Variants in EDEM2 observed in about 807,000 individuals in gnomAD.
EDEM2 encodes the protein ER degradation enhancing alpha-mannosidase like protein 2, also known as ER degradation-enhancing alpha-mannosidase-like protein 2.
EDEM2 carries 39 observed loss-of-function variants against 64.8 expected under a neutral mutation model. That is an observed-to-expected ratio of 0.60 (90% confidence interval 0.47 to 0.79). EDEM2 has a LOEUF of 0.79. Ranked by LOEUF, EDEM2 falls within the 30% of genes least tolerant of loss-of-function variation. The probability of loss-of-function intolerance (pLI) is 0.00; values close to 1 mark genes in which losing one functional copy is unlikely to be tolerated. For missense variants in EDEM2, 609 were observed against 731.3 expected (o/e 0.83, Z 1.93); for synonymous variants, 296 against 291.5 (o/e 1.02, Z -0.16).
At chr20:35,120,759 G>A (rs1217405440) in intron 9 of EDEM2, among the ~76,000 whole-genome samples, 7 of 151,898 alleles carry the variant, frequency 4.6e-5, no homozygotes, top group Admixed American at 3.3e-4. Flanking sequence ...CACCGTGCCC[G>A]GCTAATTTTT....
chr20:35,124,700 T>C (rs1238598685), intron 8 of EDEM2, among the ~76,000 whole-genome samples: 1 of 152,168 alleles, frequency 6.6e-6, no homozygotes, highest in Non-Finnish European at 1.5e-5. Flanking sequence ...TTGTATAACC[T>C]TTCAGAGTTT....
Position 35,124,054 on chromosome 20 carries a change from TCAGGCAGGTAGACAC to T in EDEM2, c.970-35_970-21del, listed in dbSNP as rs757188560. ...GAGGCTCTGTGGGAGAAAGTGGCTGTCAGGCAGGTAGACACCAGGCATAAAACCCCACAGACAACC... is the reference window on the plus strand; with the variant it reads ...GAGGCTCTGTGGGAGAAAGTGGCTGTCAGGCATAAAACCCCACAGACAACC... On this transcript the variant is annotated intron_variant, in intron 8 of 10. Coordinates refer to ENST00000374492, the MANE Select transcript of EDEM2 (RefSeq NM_018217.3). 8.1e-6 allele frequency: 13 copies of T among 1,608,588 alleles called. No individual in the cohort carries two copies. The highest frequency in any genetic ancestry group is 1.6e-4 in the Middle Eastern group (1 of 6,062).
At chr20:35,132,941 C>G (rs540161566) in intron 6 of EDEM2, among the ~76,000 whole-genome samples, 1 of 152,288 alleles carries the variant, frequency 6.6e-6, no homozygotes, top group East Asian at 1.9e-4. Context: ...TGTGTCCCCC[C>G]AGGAGCACAA....
chr20:35,144,320 T>C (rs2085699230), intron 3 of EDEM2, among the ~76,000 whole-genome samples: 1 of 152,052 alleles, frequency 6.6e-6, no homozygotes, highest in Non-Finnish European at 1.5e-5. Flanking sequence ...TACTAACTAG[T>C]CACTGATATT....
chr20:35,138,617 T>A (rs1435069283), intron 4 of EDEM2, among the ~76,000 whole-genome samples: 3 of 151,568 alleles, frequency 2.0e-5, no homozygotes, highest in African/African-American at 7.3e-5. Context: ...TCTCGCTCTG[T>A]CACCTAGGCT....
Position 35,137,994 on chromosome 20 carries a change from G to A in EDEM2, c.376C>T (p.Leu126Phe). 6.2e-7 allele frequency: 1 copy of A among 1,614,128 alleles called. No homozygotes were observed. The highest frequency in any genetic ancestry group is 1.3e-5 in the African/African-American group (1 of 75,056). The change falls in exon 5 of 11, where the codon CTC (leucine) becomes TTC (phenylalanine). Residue 126 changes from leucine to phenylalanine, a missense_variant. Physicochemically the swap from Leu to Phe is conservative, Grantham distance 22. Transcript: ENST00000374492. Reference sequence around the variant, plus strand: ...TTGGAGAGCAGATGAGCAGACAGGAGTCCTCCTACCACTACAGATGGCACA... The same window carrying A: ...TTGGAGAGCAGATGAGCAGACAGGAATCCTCCTACCACTACAGATGGCACA... ...FETNIRVVGG[L>F]LSAHLLSKKA...
rs1438281807 is a variant in EDEM2 at position 35,118,431 on chromosome 20, C to T, written c.1236+167G>A. 4 of 1,002,534 alleles carry T rather than the reference C, an allele frequency of 4.0e-6. No individual in the cohort carries two copies. The African/African-American group carries it at 4.9e-5, about 12-fold the overall frequency. The allele number at this position is 1,002,534 out of a possible 1,614,324, so 62.1% of individuals were successfully genotyped here. A position where few individuals can be genotyped will look rare whatever the true frequency, so the allele number is the denominator to read the frequency against. Reference sequence around the variant, plus strand: ...GTGAGATCTTTAGCAAGGCACTTAGCTTCTCTGTTCTTTGGTCTCCCCATC... The same window carrying T: ...GTGAGATCTTTAGCAAGGCACTTAGTTTCTCTGTTCTTTGGTCTCCCCATC... On this transcript the variant is annotated intron_variant, in intron 10 of 10. Coordinates refer to ENST00000374492, the MANE Select transcript of EDEM2 (RefSeq NM_018217.3).
intron 10 of EDEM2, among the ~76,000 whole-genome samples, chr20:35,116,139 T>C (rs554850183): frequency 2.0e-5 from 3 of 152,176 alleles, no homozygotes; most frequent in African/African-American, 7.2e-5. Context: ...GGCTCCCAGC[T>C]TCCAATCTTA....
At chr20:35,133,989 G>A (rs1233766499) in intron 6 of EDEM2, 3 of 415,396 alleles carry the variant, frequency 7.2e-6, no homozygotes, top group Admixed American at 5.7e-5. Context: ...CAGTTTCGAT[G>A]TAGCAAGGCC....
intron 9 of EDEM2, among the ~76,000 whole-genome samples, chr20:35,123,227 T>C (rs553327245): frequency 2.8e-4 from 43 of 152,332 alleles, no homozygotes; most frequent in Admixed American, 2.4e-3. Context: ...CCTACACTTC[T>C]GAAATCCTGA....
intron 4 of EDEM2, among the ~76,000 whole-genome samples, chr20:35,141,560 G>A (rs2085654117): frequency 2.0e-5 from 3 of 152,128 alleles, no homozygotes; most frequent in Non-Finnish European, 1.5e-5. Context: ...CATATGTCTG[G>A]AATATAAGTT....
chr20:35,120,157 G>A (rs546635596), intron 9 of EDEM2, among the ~76,000 whole-genome samples: 78 of 152,166 alleles, frequency 5.1e-4, no homozygotes, highest in Non-Finnish European at 1.0e-3. Context: ...CTGCCTCCTG[G>A]GTTCAAGGGA....
intron 8 of EDEM2, among the ~76,000 whole-genome samples, chr20:35,125,270 A>G (rs1243264503): frequency 6.7e-6 from 1 of 150,172 alleles, no homozygotes; most frequent in East Asian, 1.9e-4. Context: ...ATCATGGCTC[A>G]CTGCAGCCTT....
At chr20:35,137,714 G>A (rs1038790251) in intron 5 of EDEM2, among the ~76,000 whole-genome samples, 166 bp downstream of exon 5, 3 of 152,214 alleles carry the variant, frequency 2.0e-5, no homozygotes, top group Non-Finnish European at 2.9e-5. Context: ...CCCTTAAAAT[G>A]CCCAGGACAC....
chr20:35,120,743 A>T (rs578127352), intron 9 of EDEM2, among the ~76,000 whole-genome samples: 1 of 151,966 alleles, frequency 6.6e-6, no homozygotes, highest in East Asian at 1.9e-4. Flanking sequence ...GACTACAGGC[A>T]CATGCCACCG....
chr20:35,131,703 A>T lies in EDEM2; in HGVS notation c.783T>A (p.Phe261Leu). 6.2e-7 allele frequency: 1 copy of T among 1,614,224 alleles called. No individual in the cohort carries two copies. The highest frequency in any genetic ancestry group is 8.5e-7 in the Non-Finnish European group (1 of 1,180,026). ...GGATGGCTCCTTTCACCAAGTACTC[A>T]AAGTAGGAGTCCACGCCAGCCCCGA... ...AGIGAGVDSYFEYLVKGAILL... is the reference protein window; with the variant it reads ...AGIGAGVDSYLEYLVKGAILL... Residue 261 changes from phenylalanine (F) to leucine (L), a missense_variant, in exon 7 of 11, where the codon TTT (phenylalanine) becomes TTA (leucine). By Grantham distance (22) the Phe-to-Leu change is conservative (BLOSUM62 0). Coordinates refer to ENST00000374492, the MANE Select transcript of EDEM2 (RefSeq NM_018217.3).
At chr20:35,145,453 T>A (rs1461494557) in intron 2 of EDEM2, among the ~76,000 whole-genome samples, 1 of 152,242 alleles carries the variant, frequency 6.6e-6, no homozygotes, top group African/African-American at 2.4e-5. Flanking sequence ...AACTGTGTTA[T>A]AAACAGTGCA....
At chr20:35,126,181 C>T in intron 8 of EDEM2, 70 bp downstream of exon 8, 1 of 1,572,358 alleles carries the variant, frequency 6.4e-7, no homozygotes, top group Non-Finnish European at 8.6e-7. Context: ...CATTATTTGA[C>T]TTATACATCA....
intron 8 of EDEM2, among the ~76,000 whole-genome samples, chr20:35,125,679 C>G (rs73616623): frequency 6.6e-6 from 1 of 152,088 alleles, no homozygotes; most frequent in Non-Finnish European, 1.5e-5. Context: ...CCACCGCGCC[C>G]GACCTAATTT....
Sources: gnomAD v4.1 joint callset for allele counts (sites outside exome capture counted in the v4.1 genomes callset) on GRCh38, gnomAD v4.1.1 for gene constraint, MANE v1.5 for transcripts, NCBI Gene and HGNC (gene_info 2026-07-23, HGNC 2026-07-21) for gene names.